FAM111B: variants seen among roughly 807,000 people sequenced by gnomAD.
FAM111B encodes the protein FAM111 trypsin like peptidase B.
FAM111B carries 1 observed loss-of-function variant against 2.8 expected under a neutral mutation model. That is an observed-to-expected ratio of 0.36 (90% confidence interval 0.13 to 1.70). The LOEUF (loss-of-function observed/expected upper bound fraction) is 1.70, where lower values mean the gene tolerates loss of function less well. Ranked by LOEUF, FAM111B falls within the 40% of genes most tolerant of loss-of-function variation. The probability of loss-of-function intolerance (pLI) is 0.35; values close to 1 mark genes in which losing one functional copy is unlikely to be tolerated. For synonymous variants in FAM111B, 297 were observed against 295.6 expected, an observed-to-expected ratio of 1.00 and a Z score of -0.05; for missense variants, 882 against 878.9, an observed-to-expected ratio of 1.00 and a Z score of -0.04.
At chr11:59,109,504 G>C (rs1419312560) in intron 2 of FAM111B, 36 bp from the exon 3 acceptor site, 4 of 601,702 alleles carry the variant, frequency 6.6e-6, no homozygotes, top group Non-Finnish European at 1.1e-5. Context: ...TTTGAAAGTG[G>C]TTATTTCATA....
At chr11:59,116,231 G>T (rs991436001) in intron 3 of FAM111B, among the ~76,000 whole-genome samples, 17 of 152,200 alleles carry the variant, frequency 1.1e-4, no homozygotes, top group Middle Eastern at 3.4e-3. Flanking sequence ...AGTCATTTCT[G>T]CTTCTCTAGG....
chr11:59,111,160 A>G (rs768378174), intron 3 of FAM111B, among the ~76,000 whole-genome samples: 4 of 152,164 alleles, frequency 2.6e-5, no homozygotes, highest in Admixed American at 6.5e-5. Flanking sequence ...TACTCTCCCT[A>G]TAATGAGTCT....
chr11:59,108,860 T>C (rs1478360448), intron 2 of FAM111B, 148 bp downstream of exon 2: 1 of 152,268 alleles, frequency 6.6e-6, no homozygotes, highest in Admixed American at 6.5e-5. Flanking sequence ...TATCAAGCTT[T>C]GTTAATTTCA....
intron 3 of FAM111B, among the ~76,000 whole-genome samples, chr11:59,113,322 T>C (rs1421480110): frequency 6.6e-6 from 1 of 152,202 alleles, no homozygotes; most frequent in Non-Finnish European, 1.5e-5. Flanking sequence ...TTAATTTCTT[T>C]TGCTGTGGGG....
chr11:59,118,831 A>G (rs1198104515), intron 3 of FAM111B, among the ~76,000 whole-genome samples: 3 of 152,170 alleles, frequency 2.0e-5, no homozygotes, highest in African/African-American at 7.2e-5. Context: ...AGAAATTTTA[A>G]TTATTCTAAT....
Position 59,126,573 on chromosome 11 carries a change from A to G in FAM111B, c.*271A>G, listed in dbSNP as rs1860039903. 2 of 292,018 alleles carry G rather than the reference A, an allele frequency of 6.8e-6. No individual in the cohort carries two copies. Among genetic ancestry groups the G allele is most frequent in the African/African-American group, 4.3e-5 (2 of 46,204 alleles). 18.1% of individuals were successfully genotyped at this position (292,018 alleles called of 1,614,324 possible). ...ACAAGCAAAAAAAACAAGCAACCCC[A>G]TTAAAAAGTGGGCAAAGGACATGAA... On this transcript the variant is annotated 3_prime_UTR_variant, in exon 4 of 4. Transcript: ENST00000343597.
chr11:59,126,840 T>C lies in FAM111B; in HGVS notation c.*538T>C, dbSNP rs1331613247. The C allele has an allele frequency of 6.2e-6, 1 of 160,526 alleles. No individual in the cohort carries two copies. 9.9% of individuals were successfully genotyped at this position (160,526 alleles called of 1,614,324 possible). ...TTGTGGAAAGCAGTTGGGTGATTTC[T>C]AAAAGAACTTAAAACAGCTACCATT... On this transcript the variant is annotated 3_prime_UTR_variant, in exon 4 of 4. Coordinates refer to ENST00000343597, the MANE Select transcript of FAM111B (RefSeq NM_198947.4).
In FAM111B at chr11:59,109,692, C is replaced by A; in HGVS notation, c.67C>A (p.Pro23Thr). The A allele has an allele frequency of 3.7e-6, 6 of 1,610,516 alleles. No homozygotes were observed. Among genetic ancestry groups the A allele is most frequent in the Non-Finnish European group, 5.1e-6 (6 of 1,177,752 alleles). The change falls in exon 3 of 4, where the codon CCT becomes ACT. Residue 23 changes from proline (P) to threonine (T), a missense_variant. Pro to Thr is a conservative substitution (Grantham distance 38). Transcript: ENST00000343597. ...TATGGAAGATGACCAGAGGACTAGA[C>A]CTGAAGTTTCAAAGGTATATCTACT... ...SAMEDDQRTR[P>T]EVSKDTVMKQ...
At position 59,125,193 on chromosome 11, in the gene FAM111B, C is replaced by T. The variant is rs374133736; in HGVS notation, c.1096C>T (p.Arg366Trp). Residue 366 changes from arginine to tryptophan, a missense_variant, in exon 4 of 4, where the codon CGG (arginine) becomes TGG (tryptophan). Physicochemically the swap from Arg to Trp is moderately radical, Grantham distance 101 (BLOSUM62 -3). Coordinates refer to ENST00000343597, the MANE Select transcript of FAM111B (RefSeq NM_198947.4). ...KYRQINSQVR[R>W]RPHLGRRYAI... ...TAGGCAAATAAACTCACAAGTTAGACGGAGGCCGCATCTGGGTAGGCGGTA... is the reference window on the plus strand; with the variant it reads ...TAGGCAAATAAACTCACAAGTTAGATGGAGGCCGCATCTGGGTAGGCGGTA... 104 of 1,613,904 alleles carry T rather than the reference C, an allele frequency of 6.4e-5. No homozygotes were observed. Among genetic ancestry groups the T allele is most frequent in the South Asian group, 1.6e-4 (15 of 91,070 alleles).
chr11:59,110,346 A>G (rs1859739379), intron 3 of FAM111B, among the ~76,000 whole-genome samples: 1 of 152,222 alleles, frequency 6.6e-6, no homozygotes, highest in Non-Finnish European at 1.5e-5. Context: ...TGAATAATAA[A>G]TCTAAAATTG....
intron 3 of FAM111B, among the ~76,000 whole-genome samples, chr11:59,112,777 A>G (rs1859779710): frequency 6.6e-6 from 1 of 152,194 alleles, no homozygotes; most frequent in Non-Finnish European, 1.5e-5. Context: ...ATGTGTTTAT[A>G]TCATCCACAT....
rs745772876 is a variant in FAM111B at position 59,125,579 on chromosome 11, T to TA, written c.1483dup (p.Met495AsnfsTer4). On this transcript the variant is annotated frameshift_variant, in exon 4 of 4. Coordinates refer to ENST00000343597, the MANE Select transcript of FAM111B (RefSeq NM_198947.4). LOFTEE classifies it low-confidence loss of function (END_TRUNC). ...TCACCTGTCGACATGTTGTACATCTTATGGTGGGTAAAAACACACATCCAA... is the reference window on the plus strand; with the variant it reads ...TCACCTGTCGACATGTTGTACATCTTAATGGTGGGTAAAAACACACATCCAA... 1 of 1,613,904 alleles carries TA rather than the reference T, an allele frequency of 6.2e-7. No homozygotes were observed. Among genetic ancestry groups the TA allele is most frequent in the Non-Finnish European group, 8.5e-7 (1 of 1,179,818 alleles).
chr11:59,126,595 T>C lies in FAM111B; in HGVS notation c.*293T>C. The C allele has an allele frequency of 4.0e-6, 1 of 247,362 alleles. No homozygotes were observed. Among genetic ancestry groups the C allele is most frequent in the African/African-American group, 2.2e-5 (1 of 45,054 alleles). The allele number at this position is 247,362 out of a possible 1,614,324, so 15.3% of individuals were successfully genotyped here. A position where few individuals can be genotyped will look rare whatever the true frequency, so the allele number is the denominator to read the frequency against. ...CCCATTAAAAAGTGGGCAAAGGACA[T>C]GAACAAACACTTTTCAAAAGAAGAT... On this transcript the variant is annotated 3_prime_UTR_variant, in exon 4 of 4. Transcript: ENST00000343597.
At chr11:59,110,065 G>C (rs1215061988) in intron 3 of FAM111B, 1 of 155,864 alleles carries the variant, frequency 6.4e-6, no homozygotes, top group East Asian at 1.9e-4. Flanking sequence ...GAACTATGCA[G>C]TAGGTATTAT....
chr11:59,120,423 T>C (rs1412840080), intron 3 of FAM111B, among the ~76,000 whole-genome samples: 6 of 152,232 alleles, frequency 3.9e-5, no homozygotes, highest in African/African-American at 4.8e-5. Flanking sequence ...GGTGATTAGA[T>C]AATGAGGGCT....
Position 59,125,177 on chromosome 11 carries a change from A to AAAC in FAM111B, c.1081_1083dup (p.Asn361dup). ...GTTTGCCCCGAAAATATAGGCAAATAAACTCACAAGTTAGACGGAGGCCGC... is the reference window on the plus strand; with the variant it reads ...GTTTGCCCCGAAAATATAGGCAAATAAACAACTCACAAGTTAGACGGAGGCCGC... On this transcript the variant is annotated inframe_insertion, in exon 4 of 4. Transcript: ENST00000343597. 6.2e-7 allele frequency: 1 copy of AAAC among 1,614,016 alleles called. No homozygotes were observed. The highest frequency in any genetic ancestry group is 8.5e-7 in the Non-Finnish European group (1 of 1,179,894).
rs116536286 is a variant in FAM111B at position 59,113,825 on chromosome 11, G to T, written c.81+4119G>T. 6.2e-3 allele frequency among the ~76,000 whole-genome samples: 941 copies of T among 152,278 alleles called. 10 individuals carry two copies. Among genetic ancestry groups the T allele is most frequent in the African/African-American group, 0.022 (899 of 41,544 alleles). ...TCTTATGGGAGTCTCACCACACCTAGAGGGAAGTGTTTTCCAATTTGACAG... is the reference window on the plus strand; with the variant it reads ...TCTTATGGGAGTCTCACCACACCTATAGGGAAGTGTTTTCCAATTTGACAG... On this transcript the variant is annotated intron_variant, in intron 3 of 3. Transcript: ENST00000343597.
At chr11:59,108,535 A>G in intron 1 of FAM111B, 133 bp from the exon 2 acceptor site, 1 of 173,322 alleles carries the variant, frequency 5.8e-6, no homozygotes. Flanking sequence ...GGAATTCCTC[A>G]AGGTAGTCTG....
intron 3 of FAM111B, among the ~76,000 whole-genome samples, chr11:59,114,887 A>C (rs1040984385): frequency 1.3e-5 from 2 of 152,122 alleles, no homozygotes; most frequent in African/African-American, 4.8e-5. Flanking sequence ...CTGTTTTGGA[A>C]GTGATGATAA....
Sources: allele counts gnomAD v4.1 joint callset (sites outside exome capture counted in the v4.1 genomes callset), GRCh38; gene constraint gnomAD v4.1.1; transcripts MANE v1.5; gene names NCBI Gene and HGNC (gene_info 2026-07-23, HGNC 2026-07-21).